The following NTM variants were observed in gnomAD, a reference collection of about 807,000 sequenced individuals.
NTM encodes the protein IgLON family member 2.
Under a neutral mutation model 42.1 loss-of-function variants are expected in NTM, and 13 were observed. The ratio of observed to expected loss-of-function variants is 0.31; its 90% CI spans 0.20 to 0.49. NTM has a LOEUF of 0.49. Ranked by LOEUF, NTM falls within the 20% of genes least tolerant of loss-of-function variation. NTM has a pLI of 0.99. For synonymous variants in NTM, 187 were observed against 179.2 expected, an observed-to-expected ratio of 1.04 and a Z score of -0.35; for missense variants, 373 against 452.8, an observed-to-expected ratio of 0.82 and a Z score of 1.60.
chr11:132,228,170 G>T (rs1277330032), intron 4 of NTM, among the ~76,000 whole-genome samples: 1 of 152,164 alleles, frequency 6.6e-6, no homozygotes, highest in Non-Finnish European at 1.5e-5. Context: ...ACAGAAATGT[G>T]GACAAACACT....
At chr11:131,940,227 T>C (rs532649948) in intron 2 of NTM, among the ~76,000 whole-genome samples, 5 of 152,296 alleles carry the variant, frequency 3.3e-5, no homozygotes, top group African/African-American at 1.2e-4. Context: ...TGGTTTCTTA[T>C]ATTTACTCCT....
chr11:131,787,460 G>A (rs1565546305), intron 1 of NTM, among the ~76,000 whole-genome samples: 1 of 150,860 alleles, frequency 6.6e-6, no homozygotes, highest in African/African-American at 2.4e-5. Context: ...GCTCTCTGCA[G>A]CCTCCTCCTC....
At chr11:131,795,029 C>T (rs922071252) in intron 1 of NTM, 2 of 982,062 alleles carry the variant, frequency 2.0e-6, no homozygotes, top group African/African-American at 1.8e-5. Context: ...TTCCTGGACC[C>T]TGTAGCCAAA....
intron 1 of NTM, among the ~76,000 whole-genome samples, chr11:131,692,389 C>G (rs1028203743): frequency 6.6e-6 from 1 of 151,960 alleles, no homozygotes; most frequent in Non-Finnish European, 1.5e-5. Context: ...TGACACAGGG[C>G]TAGCCTATCT....
At chr11:132,091,116 T>C (rs1354240602) in intron 2 of NTM, among the ~76,000 whole-genome samples, 1 of 152,186 alleles carries the variant, frequency 6.6e-6, no homozygotes, top group Non-Finnish European at 1.5e-5. Context: ...CTGGACATGG[T>C]GAGAAACCCT....
rs192774977 is a variant in NTM, at chr11:131,451,464, G to A, written c.82+80576G>A. Among the ~76,000 whole-genome samples, 486 of 152,292 alleles carry A rather than the reference G, an allele frequency of 3.2e-3. 2 individuals carry two copies. The highest frequency in any genetic ancestry group is 0.011 in the African/African-American group (462 of 41,556). ...AATTCCTCTGGGCTCATGTCTTAGA[G>A]AAGGCTTTGTGGAAGAGCGAGACTG... On this transcript the variant is annotated intron_variant, in intron 1 of 8. Transcript: ENST00000683400.
chr11:132,314,162 G>A, intron 6 of NTM, among the ~76,000 whole-genome samples: 1 of 151,634 alleles, frequency 6.6e-6, no homozygotes, highest in East Asian at 1.9e-4. Flanking sequence ...TTGCATGGTT[G>A]TCATCATCAC....
At chr11:131,950,869 C>T (rs930625605) in intron 2 of NTM, among the ~76,000 whole-genome samples, 1 of 152,196 alleles carries the variant, frequency 6.6e-6, no homozygotes, top group African/African-American at 2.4e-5. Context: ...AGTTGCTGAG[C>T]ACGTTGCCAT....
chr11:131,564,449 A>G (rs2056624601), intron 1 of NTM, among the ~76,000 whole-genome samples: 1 of 125,522 alleles, frequency 8.0e-6, no homozygotes. Flanking sequence ...GTAGGGGGAG[A>G]GAGAGAGGGA....
At chr11:131,585,974 T>A (rs186059102) in intron 1 of NTM, among the ~76,000 whole-genome samples, 1 of 152,362 alleles carries the variant, frequency 6.6e-6, no homozygotes, top group Non-Finnish European at 1.5e-5. Context: ...TAAATGGGAT[T>A]GTGTTTACAA....
At chr11:131,989,758 TACAC>T (rs1251406344) in intron 2 of NTM, among the ~76,000 whole-genome samples, 1 of 151,170 alleles carries the variant, frequency 6.6e-6, no homozygotes, top group Non-Finnish European at 1.5e-5. Flanking sequence ...CACATACACA[TACAC>T]TTACTTACTG....
intron 4 of NTM, among the ~76,000 whole-genome samples, chr11:132,273,110 T>A (rs113127670): frequency 1.8e-4 from 27 of 152,234 alleles, no homozygotes; most frequent in African/African-American, 6.0e-4. Context: ...TTTTTTATCA[T>A]GAAGGAGTGT....
intron 3 of NTM, among the ~76,000 whole-genome samples, chr11:132,175,595 CT>C (rs113624145): frequency 0.051 from 7,720 of 151,236 alleles, 586 homozygotes; most frequent in African/African-American, 0.16. Flanking sequence ...ACCCACCCCC[CT>C]TTTTTTTTTC....
chr11:132,334,798 C>T (rs143383979), intron 8 of NTM, among the ~76,000 whole-genome samples: 1 of 151,602 alleles, frequency 6.6e-6, no homozygotes, highest in Non-Finnish European at 1.5e-5. Flanking sequence ...GGAAGAAGGC[C>T]CAGGACACTT....
intron 1 of NTM, among the ~76,000 whole-genome samples, chr11:131,653,417 C>T (rs1054538624): frequency 1.3e-5 from 2 of 152,160 alleles, no homozygotes; most frequent in African/African-American, 2.4e-5. Context: ...CCTGCAGCTG[C>T]GGAAGAAATC....
chr11:131,788,326 C>T (rs1384482539), intron 1 of NTM, among the ~76,000 whole-genome samples: 1 of 152,010 alleles, frequency 6.6e-6, no homozygotes, highest in Non-Finnish European at 1.5e-5. Context: ...CAGATCCTTC[C>T]TGCCTTATGG....
chr11:132,058,148 TTC>T (rs2080008708), intron 2 of NTM, among the ~76,000 whole-genome samples: 1 of 152,236 alleles, frequency 6.6e-6, no homozygotes, highest in African/African-American at 2.4e-5. Flanking sequence ...CATGGTGGCG[TTC>T]TTTGTGAAAT....
intron 2 of NTM, among the ~76,000 whole-genome samples, chr11:131,985,718 G>A (rs867615997): frequency 6.6e-6 from 1 of 152,182 alleles, no homozygotes; most frequent in Non-Finnish European, 1.5e-5. Context: ...ATTCCACTGG[G>A]TAGAATTCAG....
At chr11:131,762,505 G>A (rs1229669879) in intron 1 of NTM, among the ~76,000 whole-genome samples, 6 of 152,206 alleles carry the variant, frequency 3.9e-5, no homozygotes, top group Non-Finnish European at 8.8e-5. Context: ...GCAGGTTGGC[G>A]CTGAATACTG....
Sources: allele counts gnomAD v4.1 joint callset (sites outside exome capture counted in the v4.1 genomes callset), GRCh38; gene constraint gnomAD v4.1.1; transcripts MANE v1.5; gene names NCBI Gene and HGNC (gene_info 2026-07-23, HGNC 2026-07-21).